ATP2B2: variants seen among roughly 807,000 people sequenced by gnomAD.
The protein encoded by ATP2B2 is plasma membrane calcium-transporting ATPase 2.
Under a neutral mutation model 120.0 loss-of-function variants are expected in ATP2B2, and 15 were observed. The ratio of observed to expected loss-of-function variants is 0.12; its 90% confidence interval spans 0.08 to 0.19. ATP2B2 has a LOEUF of 0.19. ATP2B2 is among the 10% of genes least tolerant of loss of function. ATP2B2 has a pLI of 1.00. For synonymous variants in ATP2B2, 694 were observed against 700.3 expected (o/e 0.99, Z 0.14); for missense variants, 1,045 against 1,719.8 (o/e 0.61, Z 6.94).
chr3:10,437,757 G>A (rs2063524603), intron 2 of ATP2B2, among the ~76,000 whole-genome samples: 1 of 152,164 alleles, frequency 6.6e-6, no homozygotes, highest in South Asian at 2.1e-4. Flanking sequence ...TTAAAATTGT[G>A]GTGGTATTTG....
intron 2 of ATP2B2, among the ~76,000 whole-genome samples, chr3:10,546,218 A>G (rs903771025): frequency 2.0e-5 from 3 of 152,134 alleles, no homozygotes; most frequent in Admixed American, 6.5e-5. Flanking sequence ...AGCCTCCCCA[A>G]CTGCCCCCTG....
chr3:10,487,617 C>A (rs77249452), intron 1 of ATP2B2, among the ~76,000 whole-genome samples: 6,074 of 152,280 alleles, frequency 0.04, 152 homozygotes, highest in Non-Finnish European at 0.058. Context: ...ACATCATGTC[C>A]CCAGTGCCCT....
At chr3:10,475,146 G>C (rs753970994) in intron 1 of ATP2B2, among the ~76,000 whole-genome samples, 5 of 152,252 alleles carry the variant, frequency 3.3e-5, no homozygotes, top group Non-Finnish European at 2.9e-5. Context: ...AACATTTGCT[G>C]AGCCTCCCAC....
At chr3:10,630,412 T>C (rs7648358) in intron 1 of ATP2B2, among the ~76,000 whole-genome samples, 145,689 of 152,244 alleles carry the variant, frequency 0.96, 69,770 homozygotes, top group East Asian at 0.99. Context: ...TGAGAACATG[T>C]ACATGCGGTA....
At chr3:10,541,892 C>T (rs979116783) in intron 2 of ATP2B2, among the ~76,000 whole-genome samples, 3 of 152,228 alleles carry the variant, frequency 2.0e-5, no homozygotes, top group South Asian at 4.1e-4. Flanking sequence ...ATTGTGGTCA[C>T]TCCTATCAGT....
intron 1 of ATP2B2, among the ~76,000 whole-genome samples, chr3:10,461,471 C>T (rs981135816): frequency 1.3e-5 from 2 of 152,206 alleles, no homozygotes; most frequent in African/African-American, 4.8e-5. Flanking sequence ...TGCACCCTCC[C>T]TCATGGTAAA....
chr3:10,386,043 C>T (rs1243261019), intron 7 of ATP2B2, among the ~76,000 whole-genome samples: 2 of 152,200 alleles, frequency 1.3e-5, no homozygotes, highest in Non-Finnish European at 2.9e-5. Flanking sequence ...ACACCTTTTG[C>T]TCTTTCTTGT....
chr3:10,530,253 G>A (rs1364031120), intron 3 of ATP2B2, among the ~76,000 whole-genome samples: 1 of 152,184 alleles, frequency 6.6e-6, no homozygotes, highest in Non-Finnish European at 1.5e-5. Flanking sequence ...AATATTCCAG[G>A]CCCTAAGCTG....
chr3:10,700,927 C>A (rs931423145), intron 1 of ATP2B2, among the ~76,000 whole-genome samples: 2 of 152,210 alleles, frequency 1.3e-5, no homozygotes, highest in Admixed American at 1.3e-4. Context: ...AAGCTTCCAT[C>A]CAGAAATGAC....
chr3:10,656,945 G>A (rs1175755505), intron 1 of ATP2B2, among the ~76,000 whole-genome samples: 9 of 152,228 alleles, frequency 5.9e-5, no homozygotes, highest in Non-Finnish European at 1.3e-4. Flanking sequence ...GGGCTGGAGT[G>A]AGTGAAGGGG....
intron 1 of ATP2B2, among the ~76,000 whole-genome samples, chr3:10,500,061 G>A (rs556364917): frequency 6.6e-6 from 1 of 150,960 alleles, no homozygotes; most frequent in South Asian, 2.1e-4. Flanking sequence ...TCAGCCTCCT[G>A]AGTAGCTGGA....
At chr3:10,629,466 C>T (rs2069802618) in intron 1 of ATP2B2, among the ~76,000 whole-genome samples, 1 of 152,210 alleles carries the variant, frequency 6.6e-6, no homozygotes, top group South Asian at 2.1e-4. Context: ...GTTGATAGGG[C>T]ACATTTCCCG....
chr3:10,677,277 T>A (rs1356841800), intron 1 of ATP2B2, among the ~76,000 whole-genome samples: 1 of 152,150 alleles, frequency 6.6e-6, no homozygotes, highest in African/African-American at 2.4e-5. Context: ...GAATCTCAAA[T>A]GCATATTGCT....
chr3:10,402,542 G>A lies in ATP2B2; in HGVS notation c.398-194C>T, dbSNP rs1281070376. Among the ~76,000 whole-genome samples, 3 of 152,234 alleles carry A rather than the reference G, an allele frequency of 2.0e-5. No individual in the cohort carries two copies. Among genetic ancestry groups the A allele is most frequent in the South Asian group, 2.1e-4 (1 of 4,824 alleles). On this transcript the variant is annotated intron_variant, in intron 3 of 22. Transcript: ENST00000360273. The surrounding 1 kb of genome is among the most constrained non-coding windows in gnomAD (Gnocchi z 4.9). ...GCAGATCATCTCACAGGGTATTCCC[G>A]CTGCCCATTTCACAGATGTGGAAGC...
chr3:10,482,721 C>T (rs1027799400), intron 1 of ATP2B2, among the ~76,000 whole-genome samples: 1 of 152,208 alleles, frequency 6.6e-6, no homozygotes, highest in Admixed American at 6.5e-5. Context: ...CCCACCTGAG[C>T]CTTCTGACTG....
intron 1 of ATP2B2, among the ~76,000 whole-genome samples, chr3:10,646,206 G>C (rs931210971): frequency 2.0e-5 from 3 of 152,160 alleles, no homozygotes; most frequent in African/African-American, 7.2e-5. Flanking sequence ...AAGACTCCTA[G>C]GTTTCTGCAA....
At chr3:10,446,433 T>C (rs2125166043) in intron 2 of ATP2B2, among the ~76,000 whole-genome samples, 1 of 152,352 alleles carries the variant, frequency 6.6e-6, no homozygotes, top group East Asian at 1.9e-4. Flanking sequence ...TGTCAGGGAC[T>C]GTTCTAAGCT....
At chr3:10,448,440 G>A (rs776093429) in intron 2 of ATP2B2, among the ~76,000 whole-genome samples, 16 of 152,124 alleles carry the variant, frequency 1.1e-4, no homozygotes, top group Non-Finnish European at 2.1e-4. Context: ...CCTTTCCATG[G>A]TGAGCTGAAG....
At chr3:10,672,090 A>G (rs931853216) in intron 1 of ATP2B2, among the ~76,000 whole-genome samples, 1 of 152,232 alleles carries the variant, frequency 6.6e-6, no homozygotes, top group Non-Finnish European at 1.5e-5. Flanking sequence ...CAAACAATTG[A>G]TAAGGTGTTT....
Sources: gnomAD v4.1 joint callset for allele counts (sites outside exome capture counted in the v4.1 genomes callset) on GRCh38, gnomAD v4.1.1 for gene constraint, Gnocchi (gnomAD v3.1) non-coding constraint, MANE v1.5 for transcripts, NCBI Gene and HGNC (gene_info 2026-07-23, HGNC 2026-07-21) for gene names.